Variants in ZMYND8 observed in about 807,000 individuals in gnomAD.
The protein encoded by ZMYND8 is MYND-type zinc finger-containing chromatin reader ZMYND8.
A neutral mutation model predicts 140.8 loss-of-function variants in ZMYND8; 37 were observed. The observed-to-expected ratio is 0.26, with a 90% CI of 0.20 to 0.35. ZMYND8 has a LOEUF of 0.35. Ranked by LOEUF, ZMYND8 falls within the 10% of genes least tolerant of loss-of-function variation. The probability of loss-of-function intolerance (pLI) is 1.00; values close to 1 mark genes in which losing one functional copy is unlikely to be tolerated. For synonymous variants in ZMYND8, 592 were observed against 597.1 expected (o/e 0.99, Z 0.12); for missense variants, 1,068 against 1,570.0 (o/e 0.68, Z 5.40).
At position 47,212,796 on chromosome 20, in the gene ZMYND8, C is replaced by T. The variant is rs151313704; in HGVS notation, c.3485-71G>A. The T allele has an allele frequency of 4.6e-3, 6,503 of 1,405,060 alleles. 15 individuals are homozygous for T. Among genetic ancestry groups the T allele is most frequent in the Non-Finnish European group, 5.3e-3 (5,465 of 1,031,268 alleles). 87.0% of individuals were successfully genotyped at this position (1,405,060 alleles called of 1,614,324 possible). On this transcript the variant is annotated intron_variant, in intron 21 of 22. Transcript: ENST00000471951. ...AATTCCGCACAACCCCAAGTGCTTA[C>T]TATTTTTGTTCATCAACAGGCTACT...
chr20:47,350,991 G>A (rs949720880), intron 1 of ZMYND8, among the ~76,000 whole-genome samples: 4 of 152,178 alleles, frequency 2.6e-5, no homozygotes, highest in African/African-American at 9.7e-5. Context: ...CAAGTCATTT[G>A]CCTGCAGATT....
Position 47,356,688 on chromosome 20 carries a change from G to A in ZMYND8, c.-18C>T. 6.2e-7 allele frequency: 1 copy of A among 1,614,164 alleles called. No homozygotes were observed. Among genetic ancestry groups the A allele is most frequent in the African/African-American group, 1.3e-5 (1 of 75,040 alleles). Reference sequence around the variant, plus strand: ...GGATGCATTGTTAACACTGTGTAATGTCAATACTTATAAAACATGGAGGAC... The same window carrying A: ...GGATGCATTGTTAACACTGTGTAATATCAATACTTATAAAACATGGAGGAC... On this transcript the variant is annotated 5_prime_UTR_variant, in exon 1 of 23. Transcript: ENST00000471951.
chr20:47,320,526 C>T (rs2079852450), intron 2 of ZMYND8: 1 of 152,476 alleles, frequency 6.6e-6, no homozygotes, highest in African/African-American at 2.4e-5. Context: ...CGAGACCAGC[C>T]TGGCCAACAT....
At chr20:47,271,107 A>T (rs907374160) in intron 11 of ZMYND8, among the ~76,000 whole-genome samples, 2 of 151,984 alleles carry the variant, frequency 1.3e-5, no homozygotes, top group African/African-American at 4.8e-5. Flanking sequence ...AAAAACCAGA[A>T]ATCTCTCAAT....
chr20:47,212,405 G>C (rs762651483), intron 22 of ZMYND8, among the ~76,000 whole-genome samples: 47 of 152,180 alleles, frequency 3.1e-4, no homozygotes, highest in Non-Finnish European at 7.3e-5. Context: ...TATGAAAAGA[G>C]CGAGGACGAT....
chr20:47,268,295 T>TC (rs2075683363), intron 11 of ZMYND8, among the ~76,000 whole-genome samples: 1 of 146,502 alleles, frequency 6.8e-6, no homozygotes, highest in Admixed American at 6.7e-5. Flanking sequence ...CGTCTCTTTT[T>TC]TTTTTTTTTT....
At position 47,347,865 on chromosome 20, in the gene ZMYND8, G is replaced by T; in HGVS notation, c.76C>A (p.Arg26Ser). Residue 26 changes from arginine (R) to serine (S), a missense_variant, in exon 2 of 23, where the codon CGC becomes AGC. Physicochemically the swap from Arg to Ser is moderately radical, Grantham distance 110. Transcript: ENST00000471951. ...CAAGATTTTTACTCACCTTTGGAGCGAGTAGAGATATCCATGCCCTCTACC... is the reference window on the plus strand; with the variant it reads ...CAAGATTTTTACTCACCTTTGGAGCTAGTAGAGATATCCATGCCCTCTACC... The part of the protein sequence containing the change: ...EVVEGMDIST[R>S]SKDPGSAERT... 6.2e-7 allele frequency: 1 copy of T among 1,613,768 alleles called. No homozygotes were observed. The highest frequency in any genetic ancestry group is 8.5e-7 in the Non-Finnish European group (1 of 1,179,940).
intron 22 of ZMYND8, 75 bp downstream of exon 22, chr20:47,212,539 AGACACACCCACAAAGGAACACATACACG>A: frequency 4.6e-6 from 6 of 1,318,340 alleles, no homozygotes; most frequent in Non-Finnish European, 6.5e-6. Flanking sequence ...GAACAGGAGA[AGACACACCCACAAAGGAACACATACACG>A]GACACACACA....
In ZMYND8 at chr20:47,333,965, GAATA is replaced by G. The variant is rs201465644; in HGVS notation, c.85+13887_85+13890del. Among the ~76,000 whole-genome samples the G allele has an allele frequency of 4.0e-5, 6 of 151,820 alleles. No individual in the cohort carries two copies. The East Asian group carries it at 7.7e-4, about 20-fold the overall frequency. ...GGGAAGGAGGGAGGAATGAATAAATGAATAAATAAATAAATAAGCATCGAATATA... is the reference window on the plus strand; with the variant it reads ...GGGAAGGAGGGAGGAATGAATAAATGAATAAATAAATAAGCATCGAATATA... On this transcript the variant is annotated intron_variant, in intron 2 of 22. Transcript: ENST00000471951.
At chr20:47,350,727 G>A (rs2082715615) in intron 1 of ZMYND8, among the ~76,000 whole-genome samples, 1 of 152,210 alleles carries the variant, frequency 6.6e-6, no homozygotes, top group Admixed American at 6.5e-5. Flanking sequence ...AACATAGACA[G>A]CTTATTTCCT....
At position 47,285,566 on chromosome 20, in the gene ZMYND8, C is replaced by G. The variant is rs576708672; in HGVS notation, c.804+1663G>C. 5.9e-4 allele frequency: 356 copies of G among 604,264 alleles called. 2 individuals carry two copies. The African/African-American group carries it at 6.9e-3, about 12-fold the overall frequency. 37.4% of individuals were successfully genotyped at this position (604,264 alleles called of 1,614,324 possible). A position where few individuals can be genotyped will look rare whatever the true frequency, so the allele number is the denominator to read the frequency against. ...ATATTTACATATAGTTTTGTAATTA[C>G]AACTCCCAATATTGGAAAGGACATA... On this transcript the variant is annotated intron_variant, in intron 8 of 22. Coordinates refer to ENST00000471951, the MANE Select transcript of ZMYND8 (RefSeq NM_001281775.3).
chr20:47,336,899 C>T (rs974652322), intron 2 of ZMYND8, among the ~76,000 whole-genome samples: 11 of 152,188 alleles, frequency 7.2e-5, no homozygotes, highest in African/African-American at 2.7e-4. Context: ...CTCCCCTTCC[C>T]CCTGCATCCC....
chr20:47,282,622 G>A (rs1017902300), intron 9 of ZMYND8, among the ~76,000 whole-genome samples: 3 of 152,066 alleles, frequency 2.0e-5, no homozygotes, highest in African/African-American at 7.2e-5. Flanking sequence ...TTACTCAAGA[G>A]GCTGAGGCAG....
At position 47,285,282 on chromosome 20, in the gene ZMYND8, G is replaced by T. The variant is rs566636784; in HGVS notation, c.805-1634C>A. 5.9e-5 allele frequency among the ~76,000 whole-genome samples: 9 copies of T among 152,264 alleles called. 1 individual carries two copies. The South Asian group carries it at 1.9e-3, about 32-fold the overall frequency. Reference sequence around the variant, plus strand: ...CTCTTTAACTCTTATCATGCAAGGTGCCACATATTTAACAGGTGCTCAATA... The same window carrying T: ...CTCTTTAACTCTTATCATGCAAGGTTCCACATATTTAACAGGTGCTCAATA... On this transcript the variant is annotated intron_variant, in intron 8 of 22. Transcript: ENST00000471951.
rs775452733 is a variant in ZMYND8, at chr20:47,232,135, G to A, written c.2857-2329C>T. 1.4e-3 allele frequency among the ~76,000 whole-genome samples: 208 copies of A among 152,144 alleles called. 3 individuals are homozygous for A. The highest frequency in any genetic ancestry group is 5.1e-4 in the Non-Finnish European group (35 of 68,042). On this transcript the variant is annotated intron_variant, in intron 16 of 22. Transcript: ENST00000471951. Reference sequence around the variant, plus strand: ...CCTATAATCCCAGCACTTTTGGGAGGCAGAGGCAGGCGAATCACCTGAGGT... The same window carrying A: ...CCTATAATCCCAGCACTTTTGGGAGACAGAGGCAGGCGAATCACCTGAGGT...
chr20:47,309,034 G>A (rs1437345213), intron 3 of ZMYND8, among the ~76,000 whole-genome samples: 1 of 152,142 alleles, frequency 6.6e-6, no homozygotes, highest in Non-Finnish European at 1.5e-5. Context: ...TAGTCCAGGG[G>A]GATAGATACA....
At chr20:47,261,609 C>A (rs1450193233) in intron 12 of ZMYND8, among the ~76,000 whole-genome samples, 2 of 151,642 alleles carry the variant, frequency 1.3e-5, no homozygotes, top group African/African-American at 4.8e-5. Flanking sequence ...GGAATAAAGA[C>A]CAGAGTGTAA....
At chr20:47,274,087 G>A (rs2076118288) in intron 11 of ZMYND8, among the ~76,000 whole-genome samples, 1 of 152,064 alleles carries the variant, frequency 6.6e-6, no homozygotes, top group African/African-American at 2.4e-5. Flanking sequence ...ATTTTTCCAG[G>A]AAGTCTGATG....
At position 47,210,492 on chromosome 20, in the gene ZMYND8, G is replaced by A; in HGVS notation, c.*269C>T. 3.2e-6 allele frequency: 1 copy of A among 317,390 alleles called. No individual in the cohort carries two copies. Among genetic ancestry groups the A allele is most frequent in the East Asian group, 5.0e-5 (1 of 20,110 alleles). The allele number at this position is 317,390 out of a possible 1,614,324, so 19.7% of individuals were successfully genotyped here. On this transcript the variant is annotated 3_prime_UTR_variant, in exon 23 of 23. Transcript: ENST00000471951. ...TAAAGTTAATACAAATATAAAAAGG[G>A]GAAAGTCCTCTAGATTCAATGACAT...
Sources: allele counts gnomAD v4.1 joint callset (sites outside exome capture counted in the v4.1 genomes callset), GRCh38; gene constraint gnomAD v4.1.1; transcripts MANE v1.5; gene names NCBI Gene and HGNC (gene_info 2026-07-23, HGNC 2026-07-21).